PLCG2: variants seen among roughly 807,000 people sequenced by gnomAD.
The protein encoded by PLCG2 is 1-phosphatidylinositol 4,5-bisphosphate phosphodiesterase gamma-2.
PLCG2 carries 69 observed loss-of-function variants against 175.6 expected under a neutral mutation model. The ratio of observed to expected loss-of-function variants is 0.39; its 90% CI spans 0.32 to 0.48. The LOEUF is 0.48. Ranked by LOEUF, PLCG2 falls within the 20% of genes least tolerant of loss-of-function variation. PLCG2 has a pLI of 0.91. For synonymous variants in PLCG2, 827 were observed against 624.0 expected (o/e 1.33, Z -4.85); for missense variants, 1,798 against 1,650.9 (o/e 1.09, Z -1.54).
intron 25 of PLCG2, among the ~76,000 whole-genome samples, chr16:81,933,122 C>G (rs937086693): frequency 3.9e-5 from 6 of 152,256 alleles, no homozygotes; most frequent in African/African-American, 1.4e-4. Flanking sequence ...TGAAGCTGAG[C>G]TGTTCAAGGT....
intron 19 of PLCG2, among the ~76,000 whole-genome samples, chr16:81,916,236 GA>G (rs1306954742): frequency 1.3e-5 from 2 of 149,474 alleles, no homozygotes; most frequent in Non-Finnish European, 3.0e-5. Context: ...ACTTTTTGAC[GA>G]AATCGCTTAA....
At chr16:81,847,361 G>T (rs780306116) in intron 2 of PLCG2, among the ~76,000 whole-genome samples, 3 of 152,110 alleles carry the variant, frequency 2.0e-5, no homozygotes, top group African/African-American at 4.8e-5. Flanking sequence ...AATTACAAAG[G>T]CATGATTGAT....
At chr16:81,805,090 T>C (rs1358176441) in intron 2 of PLCG2, among the ~76,000 whole-genome samples, 1 of 152,190 alleles carries the variant, frequency 6.6e-6, no homozygotes, top group Non-Finnish European at 1.5e-5. Flanking sequence ...CCAATCACCA[T>C]GTGCCAGAAA....
At chr16:81,766,076 C>G (rs534382682) in intron 2 of PLCG2, among the ~76,000 whole-genome samples, 1 of 152,350 alleles carries the variant, frequency 6.6e-6, no homozygotes, top group Admixed American at 6.5e-5. Context: ...CCTACCTCTT[C>G]TGTCTCCTGT....
At chr16:81,884,383 C>G (rs1437308294) in intron 9 of PLCG2, among the ~76,000 whole-genome samples, 1 of 150,744 alleles carries the variant, frequency 6.6e-6, no homozygotes, top group Admixed American at 6.6e-5. Flanking sequence ...CCCCACCCCA[C>G]CAAAAAAAAA....
At chr16:81,840,309 A>C (rs7350826) in intron 2 of PLCG2, among the ~76,000 whole-genome samples, 2 of 151,956 alleles carry the variant, frequency 1.3e-5, no homozygotes, top group African/African-American at 4.8e-5. Context: ...CAGCAGTCCC[A>C]GACTTTTTTG....
At chr16:81,756,912 C>G (rs1369012056) in intron 2 of PLCG2, among the ~76,000 whole-genome samples, 1 of 152,148 alleles carries the variant, frequency 6.6e-6, no homozygotes, top group Non-Finnish European at 1.5e-5. Context: ...AACACACACA[C>G]CGCGCCTCTA....
At chr16:81,786,226 C>T (rs752823843) in intron 2 of PLCG2, 44 bp downstream of exon 2, 9 of 1,536,654 alleles carry the variant, frequency 5.9e-6, no homozygotes, top group South Asian at 3.4e-5. Flanking sequence ...TCCTCTGGGG[C>T]CCTGGCCTGA....
intron 1 of PLCG2, among the ~76,000 whole-genome samples, chr16:81,747,204 G>A (rs1909722997): frequency 1.3e-5 from 2 of 152,166 alleles, no homozygotes; most frequent in Non-Finnish European, 2.9e-5. Flanking sequence ...TTCTCCTGCA[G>A]ACATACTCCA....
intron 8 of PLCG2, among the ~76,000 whole-genome samples, chr16:81,882,713 C>A (rs13330258): frequency 0.22 from 33,771 of 151,782 alleles, 3,952 homozygotes; most frequent in African/African-American, 0.27. Context: ...GCCAGGTACT[C>A]TCTGCACCTC....
At chr16:81,755,550 G>A (rs1909904569) in intron 1 of PLCG2, among the ~76,000 whole-genome samples, 1 of 150,676 alleles carries the variant, frequency 6.6e-6, no homozygotes, top group South Asian at 2.1e-4. Flanking sequence ...TTTTGAGACA[G>A]AGTTTCACTC....
At chr16:81,807,698 G>A (rs1597329976) in intron 2 of PLCG2, among the ~76,000 whole-genome samples, 1 of 152,316 alleles carries the variant, frequency 6.6e-6, no homozygotes, top group East Asian at 1.9e-4. Context: ...GCTATAAAGA[G>A]CTACCAAAGA....
In PLCG2 at chr16:81,794,645, A is replaced by G. The variant is rs570189413; in HGVS notation, c.193+8463A>G. Among the ~76,000 whole-genome samples the G allele has an allele frequency of 8.5e-5, 13 of 152,372 alleles. No homozygotes were observed. The East Asian group carries it at 2.3e-3, about 27-fold the overall frequency. ...TGAGAATAGTTGAAGAACACACCCC[A>G]TAAGACTCTTGTGATAAGTAAATGA... is the stretch of plus-strand genomic sequence containing the variant. On this transcript the variant is annotated intron_variant, in intron 2 of 32. Transcript: ENST00000564138.
intron 2 of PLCG2, among the ~76,000 whole-genome samples, chr16:81,802,313 C>T (rs376612422): frequency 2.7e-5 from 4 of 150,824 alleles, no homozygotes; most frequent in East Asian, 4.0e-4. Flanking sequence ...GGGGTTTCAC[C>T]GTGTTAGCCA....
intron 2 of PLCG2, among the ~76,000 whole-genome samples, chr16:81,794,964 G>C (rs1911401483): frequency 6.6e-6 from 1 of 152,206 alleles, no homozygotes; most frequent in Admixed American, 6.5e-5. Flanking sequence ...CTTCTCTTAT[G>C]CTGAATAGCT....
chr16:81,956,758 A>G lies in PLCG2; in HGVS notation c.3634A>G (p.Asn1212Asp). 21 of 1,614,170 alleles carry G rather than the reference A, an allele frequency of 1.3e-5. No individual in the cohort carries two copies. The highest frequency in any genetic ancestry group is 1.8e-5 in the Non-Finnish European group (21 of 1,179,998). Residue 1212 changes from asparagine to aspartate, a missense_variant, in exon 32 of 33, where the codon AAC (asparagine) becomes GAC (aspartate). Physicochemically the swap from Asn to Asp is conservative, Grantham distance 23 (BLOSUM62 1). Coordinates refer to ENST00000564138, the MANE Select transcript of PLCG2 (RefSeq NM_002661.5). ...GAGGAGGCGGCAAGAAGAACTGAAC[A>G]ACCAGCTCTTTCTGTATGACACACA... ...QLRRRQEELN[N>D]QLFLYDTHQN...
At chr16:81,932,752 G>T (rs1366161258) in intron 25 of PLCG2, among the ~76,000 whole-genome samples, 1 of 152,218 alleles carries the variant, frequency 6.6e-6, no homozygotes, top group African/African-American at 2.4e-5. Flanking sequence ...CCTCGCTGGT[G>T]GGGCATCGTC....
intron 19 of PLCG2, among the ~76,000 whole-genome samples, chr16:81,918,237 C>T (rs916429430): frequency 1.9e-4 from 29 of 152,088 alleles, no homozygotes; most frequent in Non-Finnish European, 3.1e-4. Context: ...CTTTTGTTGC[C>T]TGTGCTTTTG....
intron 19 of PLCG2, among the ~76,000 whole-genome samples, chr16:81,916,580 A>ATT (rs879866539): frequency 3.2e-4 from 40 of 123,640 alleles, no homozygotes; most frequent in African/African-American, 9.5e-4. Flanking sequence ...ACACTTAACC[A>ATT]TTTTTTTTTT....
Sources: allele counts gnomAD v4.1 joint callset (sites outside exome capture counted in the v4.1 genomes callset), GRCh38; gene constraint gnomAD v4.1.1; transcripts MANE v1.5; gene names NCBI Gene and HGNC (gene_info 2026-07-23, HGNC 2026-07-21).